The following MOB3B variants were observed in gnomAD, a reference collection of about 807,000 sequenced individuals.
The protein encoded by MOB3B is MOB kinase activator-like 2B.
A neutral mutation model predicts 18.7 loss-of-function variants in MOB3B; 7 were observed. That is an observed-to-expected ratio of 0.37 (90% CI 0.21 to 0.70). The LOEUF is 0.70. MOB3B is among the 30% of genes least tolerant of loss of function. The probability of loss-of-function intolerance (pLI) is 0.52; values close to 1 mark genes in which losing one functional copy is unlikely to be tolerated. For synonymous variants in MOB3B, 111 were observed against 99.9 expected (o/e 1.11, Z -0.66); for missense variants, 253 against 281.3 (o/e 0.90, Z 0.72).
intron 3 of MOB3B, among the ~76,000 whole-genome samples, chr9:27,356,250 G>C (rs1355505613): frequency 1.3e-5 from 2 of 152,192 alleles, no homozygotes; most frequent in Non-Finnish European, 2.9e-5. Context: ...AATGTAGGAA[G>C]TATACTATTG....
At chr9:27,398,428 A>T (rs887330105) in intron 2 of MOB3B, among the ~76,000 whole-genome samples, 7 of 152,236 alleles carry the variant, frequency 4.6e-5, no homozygotes, top group Non-Finnish European at 1.0e-4. Flanking sequence ...AAAAATGAAG[A>T]TAATAATTCC....
intron 3 of MOB3B, among the ~76,000 whole-genome samples, chr9:27,357,146 G>GTATATATATATA (rs201108645): frequency 2.1e-5 from 1 of 48,134 alleles, no homozygotes; most frequent in Non-Finnish European, 4.1e-5. Context: ...ATATATATAT[G>GTATATATATATA]TGTTTTTTTT....
rs550428620 is a variant in MOB3B, at chr9:27,483,965, A to T, written c.-198-28217T>A. Among the ~76,000 whole-genome samples, 10 of 152,298 alleles carry T rather than the reference A, an allele frequency of 6.6e-5. No individual in the cohort carries two copies. The East Asian group carries it at 1.5e-3, about 23-fold the overall frequency. On this transcript the variant is annotated intron_variant, in intron 1 of 3. Transcript: ENST00000262244. ...TCCACTGGATTTCTTGTAGGGGATA[A>T]GGGTTTGAGTCCAGGTGACAGAGCC...
In MOB3B at chr9:27,429,990, A is replaced by G. The variant is rs7034989; in HGVS notation, c.418+25143T>C. Among the ~76,000 whole-genome samples, 719 of 152,298 alleles carry G rather than the reference A, an allele frequency of 4.7e-3. 7 individuals carry two copies. The highest frequency in any genetic ancestry group is 0.017 in the African/African-American group (700 of 41,566). ...TCAGGAGCGAATGCAACGAAGTTCT[A>G]TGGAGGCCCTTTGCTCCAACAGAGT... On this transcript the variant is annotated intron_variant, in intron 2 of 3. Coordinates refer to ENST00000262244, the MANE Select transcript of MOB3B (RefSeq NM_024761.5).
chr9:27,381,627 T>C (rs1055171408), intron 2 of MOB3B, among the ~76,000 whole-genome samples: 2 of 152,160 alleles, frequency 1.3e-5, no homozygotes, highest in Non-Finnish European at 2.9e-5. Flanking sequence ...TAAAGATGTT[T>C]TCCTTACAGG....
intron 2 of MOB3B, among the ~76,000 whole-genome samples, chr9:27,377,080 A>G (rs1821499885): frequency 6.6e-6 from 1 of 152,208 alleles, no homozygotes; most frequent in Non-Finnish European, 1.5e-5. Flanking sequence ...AATAGCATCT[A>G]CCTTGTTGGG....
chr9:27,505,528 C>T (rs1207814204), intron 1 of MOB3B, among the ~76,000 whole-genome samples: 1 of 152,224 alleles, frequency 6.6e-6, no homozygotes, highest in Non-Finnish European at 1.5e-5. Flanking sequence ...ACTTGCTTAA[C>T]TCTGAGTTTT....
intron 1 of MOB3B, among the ~76,000 whole-genome samples, chr9:27,498,935 G>A (rs1003652562): frequency 6.6e-6 from 1 of 152,160 alleles, no homozygotes; most frequent in African/African-American, 2.4e-5. Context: ...TAGGCCTGTG[G>A]ACCTCTGATT....
chr9:27,514,937 G>A (rs1820208506), intron 1 of MOB3B, among the ~76,000 whole-genome samples: 1 of 152,128 alleles, frequency 6.6e-6, no homozygotes. Flanking sequence ...ACATCTCACG[G>A]TGCTCCCTCC....
At chr9:27,420,035 C>G (rs183149250) in intron 2 of MOB3B, among the ~76,000 whole-genome samples, 8 of 152,000 alleles carry the variant, frequency 5.3e-5, no homozygotes, top group Admixed American at 3.9e-4. Flanking sequence ...ACACAAATGG[C>G]CAACAAACAT....
chr9:27,435,580 T>C (rs1317977122), intron 2 of MOB3B, among the ~76,000 whole-genome samples: 1 of 151,670 alleles, frequency 6.6e-6, no homozygotes, highest in African/African-American at 2.4e-5. Context: ...AAGAACAGAG[T>C]TCTTTTATTT....
At chr9:27,403,412 T>C (rs1480430560) in intron 2 of MOB3B, among the ~76,000 whole-genome samples, 3 of 150,558 alleles carry the variant, frequency 2.0e-5, no homozygotes, top group Non-Finnish European at 2.9e-5. Flanking sequence ...TATGCACATA[T>C]AGGGAGAAGG....
At chr9:27,450,162 A>G (rs536706348) in intron 2 of MOB3B, among the ~76,000 whole-genome samples, 1 of 152,146 alleles carries the variant, frequency 6.6e-6, no homozygotes, top group Non-Finnish European at 1.5e-5. Flanking sequence ...AGGTTACCAA[A>G]GGGATGCAAC....
chr9:27,445,167 A>G (rs1822671003), intron 2 of MOB3B, among the ~76,000 whole-genome samples: 1 of 152,218 alleles, frequency 6.6e-6, no homozygotes, highest in Non-Finnish European at 1.5e-5. Flanking sequence ...ATCACTTTGA[A>G]AAGGGAAATT....
chr9:27,362,996 T>C (rs1253375141), intron 2 of MOB3B, among the ~76,000 whole-genome samples: 1 of 152,188 alleles, frequency 6.6e-6, no homozygotes, highest in Non-Finnish European at 1.5e-5. Context: ...TTTCTCATTC[T>C]ATGTAACTAA....
intron 2 of MOB3B, among the ~76,000 whole-genome samples, chr9:27,402,735 C>A (rs1410199206): frequency 1.3e-5 from 2 of 152,254 alleles, no homozygotes; most frequent in Non-Finnish European, 2.9e-5. Context: ...TGTGTGGACA[C>A]TATCAGGGTT....
chr9:27,338,204 A>C (rs888020524), intron 3 of MOB3B, among the ~76,000 whole-genome samples: 3 of 151,966 alleles, frequency 2.0e-5, no homozygotes, highest in Non-Finnish European at 4.4e-5. Context: ...GCTTCTGTTT[A>C]TCTTGCATCT....
chr9:27,332,658 C>A (rs147148779), intron 3 of MOB3B, among the ~76,000 whole-genome samples: 1 of 152,168 alleles, frequency 6.6e-6, no homozygotes, highest in African/African-American at 2.4e-5. Flanking sequence ...CAACAGTAAC[C>A]GCTGCTTTTA....
chr9:27,329,045 A>T lies in MOB3B; in HGVS notation c.*1542T>A, dbSNP rs1169524310. 1 of 152,384 alleles carries T rather than the reference A, an allele frequency of 6.6e-6. No individual in the cohort carries two copies. The highest frequency in any genetic ancestry group is 1.5e-5 in the Non-Finnish European group (1 of 68,044). The allele number at this position is 152,384 out of a possible 1,614,324, so 9.4% of individuals were successfully genotyped here. A position where few individuals can be genotyped will look rare whatever the true frequency, so the allele number is the denominator to read the frequency against. The stretch of plus-strand genomic sequence containing the variant: ...GTACCCACAGAGACAGCCCTTTCTT[A>T]GCTTGGACAAAGATTTCATGATTCT... On this transcript the variant is annotated 3_prime_UTR_variant, in exon 4 of 4. Transcript: ENST00000262244.
Sources: allele counts gnomAD v4.1 joint callset (sites outside exome capture counted in the v4.1 genomes callset), GRCh38; gene constraint gnomAD v4.1.1; transcripts MANE v1.5; gene names NCBI Gene and HGNC (gene_info 2026-07-23, HGNC 2026-07-21).